The following PTPRM variants were observed in gnomAD, a reference collection of about 807,000 sequenced individuals.
The protein encoded by PTPRM is protein tyrosine phosphatase receptor type M, also known as receptor-type tyrosine-protein phosphatase mu.
In PTPRM, 47 loss-of-function variants were observed where a neutral mutation model predicts 186.7. The ratio of observed to expected loss-of-function variants is 0.25; its 90% CI spans 0.20 to 0.32. The LOEUF (loss-of-function observed/expected upper bound fraction) is 0.32. Ranked by LOEUF, PTPRM falls within the 10% of genes least tolerant of loss-of-function variation. The pLI is 1.00. For synonymous variants in PTPRM, 668 were observed against 674.9 expected, an observed-to-expected ratio of 0.99 and a Z score of 0.16; for missense variants, 1,494 against 1,865.0, an observed-to-expected ratio of 0.80 and a Z score of 3.66.
intron 13 of PTPRM, among the ~76,000 whole-genome samples, chr18:8,118,255 T>C (rs1201971569): frequency 6.6e-6 from 1 of 152,234 alleles, no homozygotes; most frequent in East Asian, 1.9e-4. Flanking sequence ...CTTGGCAGTA[T>C]AGCCATTTGG....
chr18:7,635,576 G>T (rs559004030), intron 1 of PTPRM, among the ~76,000 whole-genome samples: 1 of 152,026 alleles, frequency 6.6e-6, no homozygotes, highest in African/African-American at 2.4e-5. Flanking sequence ...TAATATTGTA[G>T]ATAATTTTGT....
intron 3 of PTPRM, among the ~76,000 whole-genome samples, chr18:7,894,447 G>A (rs1368581164): frequency 2.0e-5 from 3 of 151,760 alleles, no homozygotes; most frequent in Non-Finnish European, 4.4e-5. Flanking sequence ...ATTAGCGGGC[G>A]TGGTGGCGGG....
intron 1 of PTPRM, among the ~76,000 whole-genome samples, chr18:7,665,696 G>C (rs551812201): frequency 4.6e-5 from 7 of 152,196 alleles, no homozygotes; most frequent in African/African-American, 1.7e-4. Flanking sequence ...GGAGGCCGAG[G>C]GGGGTGGATC....
chr18:7,654,202 G>A (rs1465203038), intron 1 of PTPRM, among the ~76,000 whole-genome samples: 1 of 152,068 alleles, frequency 6.6e-6, no homozygotes, highest in East Asian at 1.9e-4. Context: ...GTTCCTTAGA[G>A]ATGCTGGATA....
chr18:8,341,468 T>A (rs1598369424), intron 22 of PTPRM, among the ~76,000 whole-genome samples: 1 of 150,840 alleles, frequency 6.6e-6, no homozygotes, highest in African/African-American at 2.4e-5. Context: ...AAGGGGTGAG[T>A]GAGGAATATG....
chr18:8,155,302 TA>T (rs1210679667), intron 14 of PTPRM, among the ~76,000 whole-genome samples: 2 of 152,220 alleles, frequency 1.3e-5, no homozygotes, highest in East Asian at 3.8e-4. Flanking sequence ...AAAATAGCTA[TA>T]GATCTTTCAG....
At position 8,069,840 on chromosome 18, in the gene PTPRM, G is replaced by A. The variant is rs781152526; in HGVS notation, c.1287G>A (p.Val429=). The change falls in exon 8 of 33, where the codon GTG becomes GTA. Residue 429 remains valine, a synonymous_variant. Coordinates refer to ENST00000580170, the MANE Select transcript of PTPRM (RefSeq NM_001105244.2). ...ACCAAGTTGGAGGACAAGAACAAGT[G>A]CGAGAAGAAGTAAGCTGGGATACAG... ...YCYQVGGQEQ[V]REEVSWDTEN... 1 of 1,614,062 alleles carries A rather than the reference G, an allele frequency of 6.2e-7. No homozygotes were observed. The highest frequency in any genetic ancestry group is 8.5e-7 in the Non-Finnish European group (1 of 1,179,968).
intron 7 of PTPRM, among the ~76,000 whole-genome samples, chr18:7,973,256 G>A (rs562418500): frequency 2.0e-5 from 3 of 152,138 alleles, no homozygotes; most frequent in African/African-American, 4.8e-5. Context: ...CAGTTTTAAG[G>A]TAGAATTGCA....
At chr18:7,856,480 G>A (rs1428047056) in intron 2 of PTPRM, among the ~76,000 whole-genome samples, 1 of 152,122 alleles carries the variant, frequency 6.6e-6, no homozygotes, top group Admixed American at 6.6e-5. Context: ...CATGGCTCAT[G>A]CCTATAATCC....
At chr18:8,324,520 G>A (rs1272749070) in intron 22 of PTPRM, among the ~76,000 whole-genome samples, 1 of 152,208 alleles carries the variant, frequency 6.6e-6, no homozygotes, top group African/African-American at 2.4e-5. Flanking sequence ...AATAACACAT[G>A]TACCACAGCC....
intron 7 of PTPRM, among the ~76,000 whole-genome samples, chr18:8,035,965 CTGAG>C (rs771862387): frequency 3.8e-4 from 58 of 152,216 alleles, no homozygotes; most frequent in Admixed American, 6.5e-4. Context: ...GTATATCTTA[CTGAG>C]TATCTTAGAG....
At chr18:7,637,277 G>A (rs2038339736) in intron 1 of PTPRM, among the ~76,000 whole-genome samples, 1 of 151,046 alleles carries the variant, frequency 6.6e-6, no homozygotes, top group African/African-American at 2.4e-5. Context: ...TTTATATCCT[G>A]TAGGACATCA....
rs2095725068 is a variant in PTPRM at position 8,380,361 on chromosome 18, T to G, written c.3852T>G (p.Phe1284Leu). 6.2e-7 allele frequency: 1 copy of G among 1,614,026 alleles called. No homozygotes were observed. Among genetic ancestry groups the G allele is most frequent in the South Asian group, 1.1e-5 (1 of 91,082 alleles). The part of the protein sequence containing the change: ...QHPLPNTVKD[F>L]WRLVLDYHCT... ...CTTTGCCAAACACAGTGAAAGACTT[T>G]TGGAGACTGGTCCTGGATTATCACT... Residue 1284 changes from phenylalanine (F) to leucine (L), a missense_variant, in exon 29 of 33, where the codon TTT becomes TTG. Transcript: ENST00000580170.
chr18:8,331,152 C>T (rs1486463389), intron 22 of PTPRM, among the ~76,000 whole-genome samples: 1 of 152,116 alleles, frequency 6.6e-6, no homozygotes, highest in Non-Finnish European at 1.5e-5. Context: ...AAATAGTTTA[C>T]GTAACTGCTA....
intron 14 of PTPRM, among the ~76,000 whole-genome samples, chr18:8,165,732 A>G (rs959290731): frequency 7.2e-5 from 11 of 152,312 alleles, no homozygotes; most frequent in African/African-American, 2.4e-4. Flanking sequence ...CTTTACTAGT[A>G]ACAGTGAGGG....
At chr18:7,615,019 T>A (rs1200390475) in intron 1 of PTPRM, among the ~76,000 whole-genome samples, 1 of 152,206 alleles carries the variant, frequency 6.6e-6, no homozygotes, top group African/African-American at 2.4e-5. Context: ...ATTATTATAA[T>A]AACATTTACC....
intron 1 of PTPRM, among the ~76,000 whole-genome samples, chr18:7,674,123 G>A (rs531049789): frequency 6.6e-6 from 1 of 152,262 alleles, no homozygotes; most frequent in African/African-American, 2.4e-5. Flanking sequence ...GGAAAGAGAA[G>A]GGGGTTCTTA....
At chr18:8,049,716 T>TA (rs1358426922) in intron 7 of PTPRM, among the ~76,000 whole-genome samples, 2 of 151,142 alleles carry the variant, frequency 1.3e-5, no homozygotes, top group Non-Finnish European at 3.0e-5. Flanking sequence ...TGAGGTTTTT[T>TA]TTTTTTCTTT....
At chr18:8,348,318 C>G (rs1288466322) in intron 23 of PTPRM, among the ~76,000 whole-genome samples, 1 of 152,224 alleles carries the variant, frequency 6.6e-6, no homozygotes, top group African/African-American at 2.4e-5. Context: ...GTGTTGGAGC[C>G]GCCAGGAGAC....
Sources: gnomAD v4.1 joint callset for allele counts (sites outside exome capture counted in the v4.1 genomes callset) on GRCh38, gnomAD v4.1.1 for gene constraint, MANE v1.5 for transcripts, NCBI Gene and HGNC (gene_info 2026-07-23, HGNC 2026-07-21) for gene names.